Variants in EPN2 observed in about 807,000 individuals in gnomAD.
The protein encoded by EPN2 is epsin 2, also known as epsin-2.
EPN2 carries 34 observed loss-of-function variants against 61.7 expected under a neutral mutation model. The observed-to-expected ratio is 0.55, with a 90% CI of 0.42 to 0.73. EPN2 has a LOEUF of 0.73. Among genes scored for constraint, EPN2 ranks in the 30% least tolerant of loss-of-function variants. EPN2 has a pLI of 0.00. For synonymous variants in EPN2, 349 were observed against 353.6 expected, an observed-to-expected ratio of 0.99 and a Z score of 0.15; for missense variants, 714 against 839.2, an observed-to-expected ratio of 0.85 and a Z score of 1.84.
intron 5 of EPN2, among the ~76,000 whole-genome samples, chr17:19,310,802 T>C (rs1906100879): frequency 6.6e-6 from 1 of 152,162 alleles, no homozygotes; most frequent in East Asian, 1.9e-4. Flanking sequence ...GGTCTCAAAC[T>C]TCTGACCTCA....
At chr17:19,310,375 C>T (rs1906063414) in intron 5 of EPN2, among the ~76,000 whole-genome samples, 1 of 152,068 alleles carries the variant, frequency 6.6e-6, no homozygotes. Flanking sequence ...GCCTGAGGGG[C>T]AGGAGCCAGC....
At chr17:19,333,693 G>T (rs527661356) in intron 10 of EPN2, among the ~76,000 whole-genome samples, 163 of 152,302 alleles carry the variant, frequency 1.1e-3, no homozygotes, top group Middle Eastern at 3.4e-3. Context: ...CCCGAGATGG[G>T]TGTGTTCCTG....
At chr17:19,263,257 A>G (rs1597979137) in intron 1 of EPN2, among the ~76,000 whole-genome samples, 1 of 152,230 alleles carries the variant, frequency 6.6e-6, no homozygotes, top group East Asian at 1.9e-4. Context: ...TCATAGGCCT[A>G]GAAGTGGGTG....
chr17:19,332,212 C>G (rs1180268890), intron 10 of EPN2, 144 bp downstream of exon 10: 4 of 665,058 alleles, frequency 6.0e-6, no homozygotes, highest in Non-Finnish European at 2.6e-6. Flanking sequence ...ATGCCCTCGC[C>G]AGTGCTGCAT....
intron 7 of EPN2, among the ~76,000 whole-genome samples, chr17:19,314,211 C>T (rs1030628831): frequency 1.3e-5 from 2 of 152,118 alleles, no homozygotes; most frequent in Admixed American, 6.5e-5. Context: ...TGCTCAGGAG[C>T]GGGCAGGGCA....
chr17:19,300,483 C>T lies in EPN2; in HGVS notation c.767-9402C>T, dbSNP rs190906321. On this transcript the variant is annotated intron_variant, in intron 4 of 10. Transcript: ENST00000314728. ...CGCTCTTGTTGCCCAAGCTGGAGTG[C>T]AGTGGTGCAATCTCGGCTCACTGCA... Among the ~76,000 whole-genome samples the T allele has an allele frequency of 3.2e-3, 390 of 122,002 alleles. 1 individual carries two copies. Among genetic ancestry groups the T allele is most frequent in the Admixed American group, 8.9e-3 (88 of 9,922 alleles). The allele number at this position is 122,002 out of a possible 152,430, so 80.0% of individuals were successfully genotyped here.
chr17:19,312,116 A>C lies in EPN2; in HGVS notation c.944A>C (p.Asp315Ala), dbSNP rs762698542. ...LQMALEESRR[D>A]TVKIPKKKEH... ...ATGGCCCTGGAAGAAAGCCGAAGGG[A>C]CACAGTTAAAATTCCAAAAAAGAAA... The change falls in exon 6 of 11, where the codon GAC (aspartate) becomes GCC (alanine). Residue 315 changes from aspartate (D) to alanine (A), a missense_variant. This residue lies in a region of EPN2 where 410 missense variants were observed against 421.8 expected (regional missense o/e 0.97). Transcript: ENST00000314728. The C allele has an allele frequency of 6.2e-7, 1 of 1,614,048 alleles. No homozygotes were observed. The highest frequency in any genetic ancestry group is 1.1e-5 in the South Asian group (1 of 91,080).
At chr17:19,294,275 A>G (rs1172443669) in intron 4 of EPN2, among the ~76,000 whole-genome samples, 2 of 149,620 alleles carry the variant, frequency 1.3e-5, no homozygotes, top group East Asian at 3.9e-4. Context: ...AAAATTAACC[A>G]GGCATGGTGG....
chr17:19,258,057 T>C (rs1597975422), intron 1 of EPN2: 1 of 153,746 alleles, frequency 6.5e-6, no homozygotes, highest in Non-Finnish European at 1.5e-5. Flanking sequence ...AGCTGTCTAG[T>C]AGGGGAGAGG....
intron 1 of EPN2, among the ~76,000 whole-genome samples, chr17:19,246,533 G>T (rs930892249): frequency 3.9e-5 from 6 of 152,086 alleles, no homozygotes; most frequent in Non-Finnish European, 8.8e-5. Context: ...CCAAGGAATG[G>T]TAAACAGCTA....
chr17:19,269,450 G>T (rs2045232640), intron 1 of EPN2, among the ~76,000 whole-genome samples: 1 of 152,186 alleles, frequency 6.6e-6, no homozygotes, highest in Middle Eastern at 3.2e-3. Context: ...TGTTAAAGTC[G>T]GTGTGACTGA....
intron 7 of EPN2, among the ~76,000 whole-genome samples, chr17:19,326,520 C>T (rs759975003): frequency 2.0e-5 from 3 of 151,730 alleles, no homozygotes; most frequent in Non-Finnish European, 2.9e-5. Flanking sequence ...CCCCGTCTCT[C>T]CTAAAAAATA....
chr17:19,309,979 C>T lies in EPN2; in HGVS notation c.861C>T (p.Ser287=), dbSNP rs1182536266. ...AGCTGCAGCTGGCACTTGCCATGAG[C>T]AGAGAAGTGGCTGAGCAGGTCAGTG... ...ELQLQLALAM[S]REVAEQEERL... Residue 287 remains serine, a synonymous_variant, in exon 5 of 11, where the codon AGC becomes AGT. Coordinates refer to ENST00000314728, the MANE Select transcript of EPN2 (RefSeq NM_014964.5). The T allele has an allele frequency of 6.2e-7, 1 of 1,607,478 alleles. No individual in the cohort carries two copies. Among genetic ancestry groups the T allele is most frequent in the Non-Finnish European group, 8.5e-7 (1 of 1,179,822 alleles).
chr17:19,251,294 T>C (rs1391110389), intron 1 of EPN2, among the ~76,000 whole-genome samples: 1 of 152,162 alleles, frequency 6.6e-6, no homozygotes, highest in Non-Finnish European at 1.5e-5. Context: ...CAGTGTCAGC[T>C]TCTTACTGCA....
intron 1 of EPN2, among the ~76,000 whole-genome samples, chr17:19,251,474 T>C (rs931012844): frequency 6.6e-6 from 1 of 152,108 alleles, no homozygotes; most frequent in Non-Finnish European, 1.5e-5. Flanking sequence ...TGAATTTTTT[T>C]TTTTTGAGAA....
At chr17:19,251,704 G>A (rs1411899113) in intron 1 of EPN2, among the ~76,000 whole-genome samples, 3 of 152,166 alleles carry the variant, frequency 2.0e-5, no homozygotes, top group Non-Finnish European at 4.4e-5. Context: ...AAAGTGTTGG[G>A]ATTACAGGCG....
intron 1 of EPN2, among the ~76,000 whole-genome samples, chr17:19,239,634 G>C (rs2152196401): frequency 6.6e-6 from 1 of 152,308 alleles, no homozygotes; most frequent in Admixed American, 6.5e-5. Context: ...CATGATTCAG[G>C]ACTGCGTCCC....
chr17:19,294,585 C>T (rs1043779416), intron 4 of EPN2, among the ~76,000 whole-genome samples: 9 of 152,202 alleles, frequency 5.9e-5, no homozygotes, highest in African/African-American at 1.4e-4. Context: ...GAAGGTTTCT[C>T]GATGCTTTAA....
intron 1 of EPN2, among the ~76,000 whole-genome samples, chr17:19,243,615 G>T (rs907410844): frequency 1.3e-5 from 2 of 151,878 alleles, no homozygotes; most frequent in African/African-American, 4.8e-5. Flanking sequence ...GGATGGTCTC[G>T]ATCTCCTGAC....
Sources: allele counts gnomAD v4.1 joint callset (sites outside exome capture counted in the v4.1 genomes callset), GRCh38; gene constraint gnomAD v4.1.1; regional missense constraint gnomAD v4.1.1; transcripts MANE v1.5; gene names NCBI Gene and HGNC (gene_info 2026-07-23, HGNC 2026-07-21).